The following KIF3C variants were observed in gnomAD, a reference collection of about 807,000 sequenced individuals.
KIF3C encodes the protein kinesin family member 3C, also known as kinesin-like protein KIF3C.
In KIF3C, 12 loss-of-function variants were observed where a neutral mutation model predicts 67.7. That is an observed-to-expected ratio of 0.18 (90% CI 0.11 to 0.29). KIF3C has a LOEUF of 0.29. Among genes scored for constraint, KIF3C ranks in the 10% least tolerant of loss-of-function variants. The probability of loss-of-function intolerance (pLI) is 1.00; values close to 1 mark genes in which losing one functional copy is unlikely to be tolerated. For missense variants in KIF3C, 789 were observed against 1,059.6 expected (o/e 0.74, Z 3.55); for synonymous variants, 393 against 426.2 (o/e 0.92, Z 0.96).
intron 4 of KIF3C, among the ~76,000 whole-genome samples, chr2:25,953,349 A>G (rs1349714372): frequency 6.6e-6 from 1 of 151,864 alleles, no homozygotes; most frequent in Non-Finnish European, 1.5e-5. Flanking sequence ...AATAATTTTT[A>G]AAACAAATTT....
In KIF3C at chr2:25,980,753, G is replaced by C. The variant is rs768230586; in HGVS notation, c.1165C>G (p.Arg389Gly). 6 of 1,614,078 alleles carry C rather than the reference G, an allele frequency of 3.7e-6. No homozygotes were observed. The East Asian group carries it at 6.7e-5, about 18-fold the overall frequency. Residue 389 changes from arginine (R) to glycine (G), a missense_variant, in exon 1 of 8, where the codon CGC becomes GGC. Transcript: ENST00000264712. The surrounding 1 kb of genome is among the most constrained non-coding windows in gnomAD (Gnocchi z 7.6). The stretch of plus-strand genomic sequence containing the variant: ...CTCTTCTCCAGCTGGGCCTTCAGGC[G>C]GGCAATCTCCTCTTGGAATTCCCGC... The part of the protein sequence containing the change: ...LLREFQEEIA[R>G]LKAQLEKRGM...
At position 25,981,241 on chromosome 2, in the gene KIF3C, C is replaced by T. The variant is rs1559560400; in HGVS notation, c.677G>A (p.Cys226Tyr). The T allele has an allele frequency of 1.2e-5, 19 of 1,614,186 alleles. No individual in the cohort carries two copies. The highest frequency in any genetic ancestry group is 1.5e-5 in the Non-Finnish European group (18 of 1,180,028). ...SHAIFIITVE[C>Y]SERGSDGQDH... ...CTGGCCATCAGAGCCACGTTCGCTG[C>T]ACTCCACAGTGATGATGAAGATGGC... The change falls in exon 1 of 8, where the codon TGC becomes TAC. Residue 226 changes from cysteine (C) to tyrosine (Y), a missense_variant. Physicochemically the swap from Cys to Tyr is radical, Grantham distance 194. This residue lies in a region of KIF3C where 648 missense variants were observed against 807.8 expected (regional missense o/e 0.80). Coordinates refer to ENST00000264712, the MANE Select transcript of KIF3C (RefSeq NM_002254.8). The surrounding 1 kb of genome is among the most constrained non-coding windows in gnomAD (Gnocchi z 8.2).
In KIF3C at chr2:25,951,851, G is replaced by A; in HGVS notation, c.1944C>T (p.Asn648=). 6.2e-7 allele frequency: 1 copy of A among 1,614,084 alleles called. No homozygotes were observed. Among genetic ancestry groups the A allele is most frequent in the Non-Finnish European group, 8.5e-7 (1 of 1,179,956 alleles). Residue 648 remains asparagine, a synonymous_variant, in exon 5 of 8, where the codon AAC becomes AAT. Coordinates refer to ENST00000264712, the MANE Select transcript of KIF3C (RefSeq NM_002254.8). ...IPPEEKNKIM[N]RLFLDCEEEQ... is the part of the protein sequence containing the mutation. The stretch of plus-strand genomic sequence containing the variant: ...CCTCCTCACAGTCCAGGAAAAGCCG[G>A]TTCATGATCTTGTTCTTCTCCTCCG...
intron 5 of KIF3C, among the ~76,000 whole-genome samples, chr2:25,947,227 T>C (rs757121059): frequency 6.6e-6 from 1 of 152,104 alleles, no homozygotes; most frequent in Non-Finnish European, 1.5e-5. Flanking sequence ...GGGCTAGAAA[T>C]TGGCAACATT....
intron 5 of KIF3C, among the ~76,000 whole-genome samples, chr2:25,951,194 G>T (rs916336069): frequency 6.6e-6 from 1 of 152,114 alleles, no homozygotes; most frequent in African/African-American, 2.4e-5. Flanking sequence ...CCAGCAGAGG[G>T]AGCCACACAC....
At chr2:25,965,982 G>A (rs904508633) in intron 1 of KIF3C, among the ~76,000 whole-genome samples, 4 of 152,030 alleles carry the variant, frequency 2.6e-5, no homozygotes, top group African/African-American at 9.7e-5. Context: ...TGGATATGAA[G>A]GGCAGGGTAA....
At chr2:25,936,041 C>T (rs1663112473) in intron 5 of KIF3C, among the ~76,000 whole-genome samples, 1 of 151,412 alleles carries the variant, frequency 6.6e-6, no homozygotes, top group Non-Finnish European at 1.5e-5. Flanking sequence ...GAGCCAACAT[C>T]ACGCCACTAC....
Position 25,955,703 on chromosome 2 carries a change from CATA to C in KIF3C, c.1648-43_1648-41del. ...GGCAGTGTGGCTCAAAGGAGCAGTGCATACTCGGGAGGGCCAGGAAAGCTCAGG... is the reference window on the plus strand; with the variant it reads ...GGCAGTGTGGCTCAAAGGAGCAGTGCCTCGGGAGGGCCAGGAAAGCTCAGG... On this transcript the variant is annotated intron_variant, in intron 2 of 7. Coordinates refer to ENST00000264712, the MANE Select transcript of KIF3C (RefSeq NM_002254.8). This position sits in a 1 kb window ranked among gnomAD's most constrained non-coding sequence, Gnocchi z 5.0. 6.2e-7 allele frequency: 1 copy of C among 1,609,170 alleles called. No individual in the cohort carries two copies. The highest frequency in any genetic ancestry group is 8.5e-7 in the Non-Finnish European group (1 of 1,176,524).
At chr2:25,973,571 A>T (rs1466272715) in intron 1 of KIF3C, among the ~76,000 whole-genome samples, 1 of 137,858 alleles carries the variant, frequency 7.3e-6, no homozygotes. Context: ...AAAAAAAAAA[A>T]GCTGTACATA....
intron 1 of KIF3C, among the ~76,000 whole-genome samples, chr2:25,979,708 A>G (rs546972946): frequency 3.2e-4 from 49 of 152,326 alleles, no homozygotes; most frequent in African/African-American, 1.1e-3. Context: ...CCCAGGGAGC[A>G]GAATCTGTTC....
intron 5 of KIF3C, among the ~76,000 whole-genome samples, chr2:25,941,718 C>A (rs1663286772): frequency 6.6e-6 from 1 of 152,040 alleles, no homozygotes; most frequent in Non-Finnish European, 1.5e-5. Flanking sequence ...TGTAGTGAGA[C>A]CTCATCTCTA....
chr2:25,973,868 C>G (rs1437663494), intron 1 of KIF3C, among the ~76,000 whole-genome samples: 1 of 152,252 alleles, frequency 6.6e-6, no homozygotes, highest in East Asian at 1.9e-4. Context: ...CCGGCTTGGG[C>G]AGGCAAGATA....
rs1664294206 is a variant in KIF3C at position 25,971,894 on chromosome 2, T to TTTTTTTTTTTTTTTTTTTTTTTTG, written c.1545+8478_1545+8479insCAAAAAAAAAAAAAAAAAAAAAAA. Among the ~76,000 whole-genome samples, 2 of 142,686 alleles carry TTTTTTTTTTTTTTTTTTTTTTTTG rather than the reference T, an allele frequency of 1.4e-5. 1 individual carries two copies. Among genetic ancestry groups the TTTTTTTTTTTTTTTTTTTTTTTTG allele is most frequent in the African/African-American group, 5.2e-5 (2 of 38,416 alleles). 93.6% of individuals were successfully genotyped at this position (142,686 alleles called of 152,430 possible). A position where few individuals can be genotyped will look rare whatever the true frequency, so the allele number is the denominator to read the frequency against. ...AGCTTTTTTTTTTTTTTTTTTTTTT[T>TTTTTTTTTTTTTTTTTTTTTTTTG]TTTTTACTTTTTTGTAGAGATGGGG... is the stretch of plus-strand genomic sequence containing the variant. On this transcript the variant is annotated intron_variant, in intron 1 of 7. Transcript: ENST00000264712.
chr2:25,930,934 C>T (rs1209773666), intron 5 of KIF3C, among the ~76,000 whole-genome samples: 2 of 152,100 alleles, frequency 1.3e-5, no homozygotes, highest in African/African-American at 4.8e-5. Flanking sequence ...GATCTGCCTG[C>T]CTTGGCCTCC....
intron 3 of KIF3C, among the ~76,000 whole-genome samples, chr2:25,954,670 C>A (rs777867528): frequency 2.2e-4 from 34 of 152,216 alleles, no homozygotes; most frequent in Non-Finnish European, 4.1e-4. Flanking sequence ...ACCCCAGGGA[C>A]CTTTTGGTCC....
intron 5 of KIF3C, among the ~76,000 whole-genome samples, chr2:25,941,303 C>CA (rs923384002): frequency 1.3e-5 from 2 of 151,352 alleles, no homozygotes; most frequent in African/African-American, 4.9e-5. Context: ...GACCCTGTCT[C>CA]AAAAAAAGAA....
At chr2:25,974,807 A>T (rs1664368801) in intron 1 of KIF3C, among the ~76,000 whole-genome samples, 1 of 151,978 alleles carries the variant, frequency 6.6e-6, no homozygotes, top group South Asian at 2.1e-4. Context: ...CAGGTGGATC[A>T]CCTGAGGTCA....
At chr2:25,934,681 T>TA (rs1006415535) in intron 5 of KIF3C, among the ~76,000 whole-genome samples, 23 of 151,576 alleles carry the variant, frequency 1.5e-4, no homozygotes, top group Non-Finnish European at 2.8e-4. Context: ...GCAGTAGAGC[T>TA]AAAAAAAAAT....
chr2:25,980,268 G>A lies in KIF3C; in HGVS notation c.1545+105C>T. On this transcript the variant is annotated intron_variant, in intron 1 of 7. Transcript: ENST00000264712. The surrounding 1 kb of genome is among the most constrained non-coding windows in gnomAD (Gnocchi z 7.6). ...AGGAGGGCAGTGTGCGGTGCTGAGG[G>A]AGAACCTCCACTTCAGGCCAGGTCA... The A allele has an allele frequency of 1.1e-6, 1 of 925,276 alleles. No homozygotes were observed. 57.3% of individuals were successfully genotyped at this position (925,276 alleles called of 1,614,324 possible).
Sources: allele counts gnomAD v4.1 joint callset (sites outside exome capture counted in the v4.1 genomes callset), GRCh38; gene constraint gnomAD v4.1.1; regional missense constraint gnomAD v4.1.1; non-coding constraint Gnocchi (gnomAD v3.1); transcripts MANE v1.5; gene names NCBI Gene and HGNC (gene_info 2026-07-23, HGNC 2026-07-21).